NKAIN2: variants seen among roughly 807,000 people sequenced by gnomAD.
The protein encoded by NKAIN2 is sodium/potassium transporting ATPase interacting 2, also known as sodium/potassium-transporting ATPase subunit beta-1-interacting protein 2.
NKAIN2 carries 14 observed loss-of-function variants against 32.6 expected under a neutral mutation model. That is an observed-to-expected ratio of 0.43 (90% CI 0.28 to 0.67). The LOEUF (loss-of-function observed/expected upper bound fraction) is 0.67. Ranked by LOEUF, NKAIN2 falls within the 30% of genes least tolerant of loss-of-function variation. NKAIN2 has a pLI of 0.17. For missense variants in NKAIN2, 198 were observed against 258.3 expected (o/e 0.77, Z 1.60); for synonymous variants, 80 against 87.2 (o/e 0.92, Z 0.46).
chr6:124,389,148 C>A (rs1583172072), intron 3 of NKAIN2, among the ~76,000 whole-genome samples: 2 of 151,902 alleles, frequency 1.3e-5, no homozygotes, highest in South Asian at 4.1e-4. Context: ...ACTGTATTTC[C>A]CCTAGGAACA....
chr6:124,698,580 C>T (rs1384603416), intron 4 of NKAIN2, among the ~76,000 whole-genome samples: 1 of 152,192 alleles, frequency 6.6e-6, no homozygotes, highest in Non-Finnish European at 1.5e-5. Flanking sequence ...CTTAGATTTA[C>T]AACCGACTTA....
chr6:124,641,009 G>C (rs1413426301), intron 3 of NKAIN2, among the ~76,000 whole-genome samples: 2 of 152,126 alleles, frequency 1.3e-5, no homozygotes, highest in Non-Finnish European at 2.9e-5. Context: ...GAGTTGATAT[G>C]CACTTCTTGA....
At chr6:124,424,196 T>C (rs1774880786) in intron 3 of NKAIN2, among the ~76,000 whole-genome samples, 1 of 152,072 alleles carries the variant, frequency 6.6e-6, no homozygotes, top group African/African-American at 2.4e-5. Flanking sequence ...GGTTTCACAG[T>C]GTTAGCCAGG....
At chr6:124,083,850 A>G (rs545632984) in intron 1 of NKAIN2, among the ~76,000 whole-genome samples, 2 of 152,136 alleles carry the variant, frequency 1.3e-5, no homozygotes, top group Non-Finnish European at 2.9e-5. Flanking sequence ...CTATGGTTAC[A>G]GAGAGCATGA....
At position 124,461,787 on chromosome 6, in the gene NKAIN2, G is replaced by A. The variant is rs182675682; in HGVS notation, c.273+106440G>A. ...AGTAGTGGGAGAAGAACTGCCACATGGCTTCTAAGGTTTTATAGATAACTC... is the reference window on the plus strand; with the variant it reads ...AGTAGTGGGAGAAGAACTGCCACATAGCTTCTAAGGTTTTATAGATAACTC... On this transcript the variant is annotated intron_variant, in intron 3 of 6. Transcript: ENST00000368417. Among the ~76,000 whole-genome samples the A allele has an allele frequency of 1.8e-3, 272 of 151,836 alleles. 1 individual carries two copies. The highest frequency in any genetic ancestry group is 0.01 in the Middle Eastern group (3 of 294).
At chr6:124,371,693 CAAAAAA>C (rs10679200) in intron 3 of NKAIN2, among the ~76,000 whole-genome samples, 1 of 95,788 alleles carries the variant, frequency 1.0e-5, no homozygotes, top group Non-Finnish European at 2.0e-5. Flanking sequence ...GACTCTGTCT[CAAAAAA>C]AAAAAAAAAA....
chr6:124,557,105 G>A (rs1185939342), intron 3 of NKAIN2, among the ~76,000 whole-genome samples: 1 of 152,026 alleles, frequency 6.6e-6, no homozygotes, highest in Non-Finnish European at 1.5e-5. Flanking sequence ...GCCTATTATT[G>A]AACACAAAGA....
At chr6:124,456,370 T>C (rs1408695815) in intron 3 of NKAIN2, among the ~76,000 whole-genome samples, 3 of 151,848 alleles carry the variant, frequency 2.0e-5, no homozygotes, top group African/African-American at 7.2e-5. Context: ...ATATATAATA[T>C]AGTCCTTTAC....
intron 1 of NKAIN2, among the ~76,000 whole-genome samples, chr6:124,123,521 G>A (rs1562371246): frequency 6.6e-6 from 1 of 151,964 alleles, no homozygotes; most frequent in Non-Finnish European, 1.5e-5. Flanking sequence ...AACCTTAAGA[G>A]GTTTTTGCAT....
At chr6:124,622,164 A>G (rs573468622) in intron 3 of NKAIN2, among the ~76,000 whole-genome samples, 20 of 152,272 alleles carry the variant, frequency 1.3e-4, no homozygotes, top group South Asian at 6.2e-4. Flanking sequence ...TCTAGCTTTG[A>G]TGGCTCCAAG....
At chr6:124,265,764 C>A (rs1352138252) in intron 1 of NKAIN2, among the ~76,000 whole-genome samples, 2 of 152,250 alleles carry the variant, frequency 1.3e-5, no homozygotes, top group East Asian at 3.9e-4. Context: ...GCAATCAGCC[C>A]CCTTGGAACA....
chr6:124,062,650 AAC>A (rs1562336057), intron 1 of NKAIN2, among the ~76,000 whole-genome samples: 4 of 152,162 alleles, frequency 2.6e-5, no homozygotes, highest in Non-Finnish European at 4.4e-5. Flanking sequence ...GCTGGGCTCA[AAC>A]GATACACCTG....
intron 1 of NKAIN2, among the ~76,000 whole-genome samples, chr6:123,949,293 T>C (rs932714478): frequency 2.0e-5 from 3 of 152,038 alleles, no homozygotes; most frequent in Non-Finnish European, 4.4e-5. Flanking sequence ...AGGGTCTTTT[T>C]GGTTTCATAT....
chr6:124,181,174 C>A (rs988282332), intron 1 of NKAIN2, among the ~76,000 whole-genome samples: 9 of 152,138 alleles, frequency 5.9e-5, no homozygotes, highest in African/African-American at 2.2e-4. Flanking sequence ...CCTCTGAAAC[C>A]ATGGCCCCAG....
intron 1 of NKAIN2, among the ~76,000 whole-genome samples, chr6:123,856,889 A>G (rs1775575977): frequency 6.6e-6 from 1 of 152,230 alleles, no homozygotes; most frequent in East Asian, 1.9e-4. Context: ...CAATAAAAAT[A>G]ACTTTCTGAT....
Position 124,023,423 on chromosome 6 carries a change from C to T in NKAIN2, c.54+219169C>T, listed in dbSNP as rs9388298. Among the ~76,000 whole-genome samples, 1,244 of 152,074 alleles carry T rather than the reference C, an allele frequency of 8.2e-3. 84 individuals are homozygous for T. In the East Asian group the frequency reaches 0.18, roughly 23 times the overall value. ...TTCTCTGAAATTTTTCAAAGCTTTC[C>T]CCCTCTTGTCGTTTAATTCTGTAAT... On this transcript the variant is annotated intron_variant, in intron 1 of 6. Coordinates refer to ENST00000368417, the MANE Select transcript of NKAIN2 (RefSeq NM_001040214.3).
At chr6:123,963,220 C>A (rs1267993) in intron 1 of NKAIN2, among the ~76,000 whole-genome samples, 1 of 151,942 alleles carries the variant, frequency 6.6e-6, no homozygotes, top group Non-Finnish European at 1.5e-5. Context: ...TATGATTCAG[C>A]ATTGTTTTCT....
chr6:124,701,975 C>G (rs1406242296), intron 4 of NKAIN2, among the ~76,000 whole-genome samples: 1 of 151,936 alleles, frequency 6.6e-6, no homozygotes, highest in Admixed American at 6.6e-5. Flanking sequence ...TACAGTGAGC[C>G]CATAAAGGAG....
chr6:124,425,714 C>T (rs1447629100), intron 3 of NKAIN2, among the ~76,000 whole-genome samples: 1 of 152,040 alleles, frequency 6.6e-6, no homozygotes, highest in Non-Finnish European at 1.5e-5. Flanking sequence ...TGTTCAAGGT[C>T]ATTCATCACC....
Sources: gnomAD v4.1 joint callset for allele counts (sites outside exome capture counted in the v4.1 genomes callset) on GRCh38, gnomAD v4.1.1 for gene constraint, MANE v1.5 for transcripts, NCBI Gene and HGNC (gene_info 2026-07-23, HGNC 2026-07-21) for gene names.